OSBPL3: variants seen among roughly 807,000 people sequenced by gnomAD.
OSBPL3 encodes oxysterol-binding protein-related protein 3.
OSBPL3 carries 65 observed loss-of-function variants against 120.1 expected under a neutral mutation model. The ratio of observed to expected loss-of-function variants is 0.54; its 90% CI spans 0.44 to 0.67. OSBPL3 has a LOEUF of 0.67. Ranked by LOEUF, OSBPL3 falls within the 30% of genes least tolerant of loss-of-function variation. OSBPL3 has a pLI of 0.00. For missense variants in OSBPL3, 1,004 were observed against 1,082.1 expected (o/e 0.93, Z 1.01); for synonymous variants, 416 against 402.6 (o/e 1.03, Z -0.40).
chr7:24,820,123 A>T lies in OSBPL3; in HGVS notation c.1948+52T>A. ...TGACAGCAATTCTTGGATAAAATAA[A>T]TAGATAACATATTACACAATATGAT... On this transcript the variant is annotated intron_variant, in intron 17 of 22. Transcript: ENST00000313367. The surrounding 1 kb of genome is among the most constrained non-coding windows in gnomAD (Gnocchi z 4.6). The T allele has an allele frequency of 7.9e-7, 1 of 1,269,498 alleles. No homozygotes were observed. Among genetic ancestry groups the T allele is most frequent in the Non-Finnish European group, 1.1e-6 (1 of 879,668 alleles). 78.6% of individuals were successfully genotyped at this position (1,269,498 alleles called of 1,614,324 possible).
intron 19 of OSBPL3, among the ~76,000 whole-genome samples, chr7:24,814,034 G>C (rs1246971360): frequency 6.6e-6 from 1 of 152,120 alleles, no homozygotes; most frequent in Non-Finnish European, 1.5e-5. Context: ...GATGAGGAGG[G>C]TATGGAGAGC....
At chr7:24,865,237 T>C in intron 7 of OSBPL3, 105 bp downstream of exon 7, 1 of 1,195,924 alleles carries the variant, frequency 8.4e-7, no homozygotes, top group Non-Finnish European at 1.2e-6. Context: ...TGGAAGGGAA[T>C]GTGGACAAGC....
intron 1 of OSBPL3, among the ~76,000 whole-genome samples, chr7:24,945,404 T>C (rs1205701916): frequency 6.6e-6 from 1 of 152,232 alleles, no homozygotes; most frequent in Non-Finnish European, 1.5e-5. Context: ...GGTATTGATA[T>C]TATTCTAGGA....
Position 24,808,199 on chromosome 7 carries a change from C to T in OSBPL3, c.2318-1297G>A, listed in dbSNP as rs1793306161. Among the ~76,000 whole-genome samples, 1 of 152,204 alleles carries T rather than the reference C, an allele frequency of 6.6e-6. No homozygotes were observed. Among genetic ancestry groups the T allele is most frequent in the Admixed American group, 6.5e-5 (1 of 15,284 alleles). On this transcript the variant is annotated intron_variant, in intron 20 of 22. Transcript: ENST00000313367. This position sits in a 1 kb window ranked among gnomAD's most constrained non-coding sequence, Gnocchi z 4.6. ...TACAGGCGTGAGCCACCATGCCCGA[C>T]TGGGACCCATTTTTTGAATCTTCAT...
chr7:24,813,734 G>A lies in OSBPL3; in HGVS notation c.2172+1325C>T, dbSNP rs912034366. Reference sequence around the variant, plus strand: ...ACCTCATCTCTCTGCTTATTATTTCGATCTTTGTTAAATGCCAATATTCCT... The same window carrying A: ...ACCTCATCTCTCTGCTTATTATTTCAATCTTTGTTAAATGCCAATATTCCT... On this transcript the variant is annotated intron_variant, in intron 19 of 22. Coordinates refer to ENST00000313367, the MANE Select transcript of OSBPL3 (RefSeq NM_015550.4). The surrounding 1 kb of genome is among the most constrained non-coding windows in gnomAD (Gnocchi z 4.5). 5.3e-5 allele frequency among the ~76,000 whole-genome samples: 8 copies of A among 152,050 alleles called. No homozygotes were observed. The highest frequency in any genetic ancestry group is 1.9e-4 in the African/African-American group (8 of 41,376).
At chr7:24,814,938 G>T in intron 19 of OSBPL3, 121 bp downstream of exon 19, 1 of 872,104 alleles carries the variant, frequency 1.1e-6, no homozygotes, top group Non-Finnish European at 1.8e-6. Flanking sequence ...AGGAGCTCAG[G>T]CATTGCTTGC....
At position 24,936,084 on chromosome 7, in the gene OSBPL3, C is replaced by T. The variant is rs1812389303; in HGVS notation, c.-149-43463G>A. ...ACCATTTAATTCATTCTTAAGATTT[C>T]TTCTGGTTGAAAACTACCATCTTTT... On this transcript the variant is annotated intron_variant, in intron 1 of 22. Coordinates refer to ENST00000313367, the MANE Select transcript of OSBPL3 (RefSeq NM_015550.4). The surrounding 1 kb of genome is among the most constrained non-coding windows in gnomAD (Gnocchi z 4.2). 7.1e-6 allele frequency among the ~76,000 whole-genome samples: 1 copy of T among 140,570 alleles called. No individual in the cohort carries two copies. The highest frequency in any genetic ancestry group is 2.2e-4 in the South Asian group (1 of 4,466). The allele number at this position is 140,570 out of a possible 152,430, so 92.2% of individuals were successfully genotyped here.
chr7:24,852,419 A>C lies in OSBPL3; in HGVS notation c.1158+85T>G. 1 of 1,231,526 alleles carries C rather than the reference A, an allele frequency of 8.1e-7. No homozygotes were observed. The highest frequency in any genetic ancestry group is 1.1e-6 in the Non-Finnish European group (1 of 929,036). 76.3% of individuals were successfully genotyped at this position (1,231,526 alleles called of 1,614,324 possible). On this transcript the variant is annotated intron_variant, in intron 11 of 22. Coordinates refer to ENST00000313367, the MANE Select transcript of OSBPL3 (RefSeq NM_015550.4). The surrounding 1 kb of genome is among the most constrained non-coding windows in gnomAD (Gnocchi z 4.1). ...TAATTTGGTTTTCTCCTGAATTTTCAACATAATCATGGAAATAGAAATTAC... is the reference window on the plus strand; with the variant it reads ...TAATTTGGTTTTCTCCTGAATTTTCCACATAATCATGGAAATAGAAATTAC...
intron 19 of OSBPL3, among the ~76,000 whole-genome samples, chr7:24,814,355 C>T (rs1794209139): frequency 6.6e-6 from 1 of 151,872 alleles, no homozygotes; most frequent in African/African-American, 2.4e-5. Context: ...GGGAGTACAG[C>T]CTGTGCAGCG....
intron 14 of OSBPL3, among the ~76,000 whole-genome samples, chr7:24,840,257 A>G (rs6953041): frequency 0.23 from 35,630 of 151,894 alleles, 4,838 homozygotes; most frequent in East Asian, 0.47. Context: ...CACAGGTTTG[A>G]ACCGCATCAG....
rs779424380 is a variant in OSBPL3, at chr7:24,862,958, G to A, written c.870+242C>T. 4.6e-5 allele frequency among the ~76,000 whole-genome samples: 7 copies of A among 152,164 alleles called. No individual in the cohort carries two copies. The highest frequency in any genetic ancestry group is 7.2e-5 in the African/African-American group (3 of 41,438). ...CCCTAGAAATGGCAGCAGTCCCTGC[G>A]ACCTCACACCCTTTTTCCCTTAGAA... On this transcript the variant is annotated intron_variant, in intron 9 of 22. Coordinates refer to ENST00000313367, the MANE Select transcript of OSBPL3 (RefSeq NM_015550.4). This position sits in a 1 kb window ranked among gnomAD's most constrained non-coding sequence, Gnocchi z 4.4.
chr7:24,960,395 T>G (rs1815585788), intron 1 of OSBPL3, among the ~76,000 whole-genome samples: 1 of 152,134 alleles, frequency 6.6e-6, no homozygotes, highest in South Asian at 2.1e-4. Flanking sequence ...CTTTGGAGAT[T>G]AAAAATAGGA....
intron 1 of OSBPL3, among the ~76,000 whole-genome samples, chr7:24,903,230 G>A (rs1029618806): frequency 6.6e-6 from 1 of 152,142 alleles, no homozygotes; most frequent in Non-Finnish European, 1.5e-5. Flanking sequence ...CAGTTCCTAT[G>A]GCCACAGACA....
rs1452194287 is a variant in OSBPL3 at position 24,917,207 on chromosome 7, C to T, written c.-149-24586G>A. 2.0e-5 allele frequency among the ~76,000 whole-genome samples: 3 copies of T among 151,732 alleles called. No homozygotes were observed. The East Asian group carries it at 5.8e-4, about 29-fold the overall frequency. On this transcript the variant is annotated intron_variant, in intron 1 of 22. Coordinates refer to ENST00000313367, the MANE Select transcript of OSBPL3 (RefSeq NM_015550.4). ...GGTCATGTTTTCCATAGGTCATCCT[C>T]CTGCCTCTTCCTTGTTCTCCATCTT...
At chr7:24,975,616 C>T (rs73276293) in intron 1 of OSBPL3, among the ~76,000 whole-genome samples, 14,333 of 152,108 alleles carry the variant, frequency 0.094, 1,178 homozygotes, top group East Asian at 0.28. Context: ...ACTCACCCTG[C>T]CTTCAAGGCA....
At position 24,900,345 on chromosome 7, in the gene OSBPL3, G is replaced by A. The variant is rs1254720597; in HGVS notation, c.-149-7724C>T. Among the ~76,000 whole-genome samples the A allele has an allele frequency of 1.3e-5, 2 of 152,122 alleles. No homozygotes were observed. Among genetic ancestry groups the A allele is most frequent in the Non-Finnish European group, 2.9e-5 (2 of 68,014 alleles). ...ATTTAACTTTGTTATTTAGAAGTTTGGTGATGTTTTTGTGACCAGAAATAT... is the reference window on the plus strand; with the variant it reads ...ATTTAACTTTGTTATTTAGAAGTTTAGTGATGTTTTTGTGACCAGAAATAT... On this transcript the variant is annotated intron_variant, in intron 1 of 22. Coordinates refer to ENST00000313367, the MANE Select transcript of OSBPL3 (RefSeq NM_015550.4). This position sits in a 1 kb window ranked among gnomAD's most constrained non-coding sequence, Gnocchi z 4.5.
chr7:24,965,173 C>A lies in OSBPL3; in HGVS notation c.-150+14713G>T, dbSNP rs191510836. Reference sequence around the variant, plus strand: ...TTAATGCATGAGCGAAAGGATTCTACATCTCCCTAATTTTGTTTTGTCTCA... The same window carrying A: ...TTAATGCATGAGCGAAAGGATTCTAAATCTCCCTAATTTTGTTTTGTCTCA... On this transcript the variant is annotated intron_variant, in intron 1 of 22. Transcript: ENST00000313367. This position sits in a 1 kb window ranked among gnomAD's most constrained non-coding sequence, Gnocchi z 4.3. 4.5e-3 allele frequency among the ~76,000 whole-genome samples: 678 copies of A among 152,290 alleles called. 8 individuals are homozygous for A. The highest frequency in any genetic ancestry group is 0.015 in the African/African-American group (636 of 41,560).
Position 24,818,779 on chromosome 7 carries a change from A to T in OSBPL3, c.1948+1396T>A. Reference sequence around the variant, plus strand: ...ACACAACCTACATAAAAGGCAGAGAAATGTCAGGCTGGGTTACAAAGCAAG... The same window carrying T: ...ACACAACCTACATAAAAGGCAGAGATATGTCAGGCTGGGTTACAAAGCAAG... On this transcript the variant is annotated intron_variant, in intron 17 of 22. Coordinates refer to ENST00000313367, the MANE Select transcript of OSBPL3 (RefSeq NM_015550.4). The surrounding 1 kb of genome is among the most constrained non-coding windows in gnomAD (Gnocchi z 4.0). Among the ~76,000 whole-genome samples, 1 of 152,184 alleles carries T rather than the reference A, an allele frequency of 6.6e-6. No individual in the cohort carries two copies. Among genetic ancestry groups the T allele is most frequent in the East Asian group, 1.9e-4 (1 of 5,202 alleles).
At position 24,806,623 on chromosome 7, in the gene OSBPL3, C is replaced by G. The variant is rs551609829; in HGVS notation, c.2444+153G>C. ...GATCCTAGTTGGGCCCCATCTCCTC[C>G]GTGATACAATTGTTTAAAGCATCCC... On this transcript the variant is annotated intron_variant, in intron 21 of 22. Coordinates refer to ENST00000313367, the MANE Select transcript of OSBPL3 (RefSeq NM_015550.4). This position sits in a 1 kb window ranked among gnomAD's most constrained non-coding sequence, Gnocchi z 5.2. Among the ~76,000 whole-genome samples the G allele has an allele frequency of 1.3e-5, 2 of 152,168 alleles. No homozygotes were observed. Among genetic ancestry groups the G allele is most frequent in the Non-Finnish European group, 2.9e-5 (2 of 68,022 alleles).
Sources: allele counts gnomAD v4.1 joint callset (sites outside exome capture counted in the v4.1 genomes callset), GRCh38; gene constraint gnomAD v4.1.1; non-coding constraint Gnocchi (gnomAD v3.1); transcripts MANE v1.5; gene names NCBI Gene and HGNC (gene_info 2026-07-23, HGNC 2026-07-21).